Variants in NIM1K observed in about 807,000 individuals in gnomAD.
The protein encoded by NIM1K is NIM1 serine/threonine protein kinase.
Under a neutral mutation model 37.1 loss-of-function variants are expected in NIM1K, and 35 were observed. The ratio of observed to expected loss-of-function variants is 0.94; its 90% CI spans 0.72 to 1.25. NIM1K has a LOEUF of 1.25. NIM1K is among the 50% of genes most tolerant of loss of function. The pLI is 0.00. For synonymous variants in NIM1K, 234 were observed against 206.6 expected, an observed-to-expected ratio of 1.13 and a Z score of -1.14; for missense variants, 564 against 548.0, an observed-to-expected ratio of 1.03 and a Z score of -0.29.
chr5:43,210,945 C>T (rs1670791), intron 1 of NIM1K, among the ~76,000 whole-genome samples: 70,790 of 151,808 alleles, frequency 0.47, 17,018 homozygotes, highest in African/African-American at 0.52. Flanking sequence ...CCAAGGCAGG[C>T]GGATCACTTG....
At chr5:43,221,941 A>T (rs1322809435) in intron 1 of NIM1K, among the ~76,000 whole-genome samples, 1 of 152,238 alleles carries the variant, frequency 6.6e-6, no homozygotes, top group Non-Finnish European at 1.5e-5. Flanking sequence ...CACAGTGCTT[A>T]GCATGTAGTA....
At chr5:43,193,330 C>T (rs952269170) in intron 1 of NIM1K, 10 of 151,514 alleles carry the variant, frequency 6.6e-5, no homozygotes, top group African/African-American at 2.2e-4. Flanking sequence ...CTTTCCTCCT[C>T]CTCCTCTCCC....
At chr5:43,253,874 G>T (rs1450063736) in intron 2 of NIM1K, among the ~76,000 whole-genome samples, 1 of 152,018 alleles carries the variant, frequency 6.6e-6, no homozygotes, top group African/African-American at 2.4e-5. Context: ...TCTTGGCCAG[G>T]CTGGTCTCGA....
At chr5:43,257,354 A>C (rs960756539) in intron 2 of NIM1K, among the ~76,000 whole-genome samples, 4 of 146,386 alleles carry the variant, frequency 2.7e-5, no homozygotes, top group Non-Finnish European at 5.9e-5. Flanking sequence ...AAAGACAGTA[A>C]AGTGACTCTT....
intron 2 of NIM1K, among the ~76,000 whole-genome samples, chr5:43,273,759 G>A (rs1753294795): frequency 6.6e-6 from 1 of 152,154 alleles, no homozygotes; most frequent in South Asian, 2.1e-4. Context: ...GGCCAAGTAT[G>A]AGGCCTCTCT....
chr5:43,195,416 G>T (rs1751897429), intron 1 of NIM1K, among the ~76,000 whole-genome samples: 1 of 152,174 alleles, frequency 6.6e-6, no homozygotes, highest in Non-Finnish European at 1.5e-5. Context: ...CCAATACTTT[G>T]GGAGGCTGAA....
chr5:43,212,576 C>T (rs1752220596), intron 1 of NIM1K, among the ~76,000 whole-genome samples: 1 of 152,116 alleles, frequency 6.6e-6, no homozygotes, highest in African/African-American at 2.4e-5. Context: ...TCCCTCATTC[C>T]TTCCTCCCAT....
At chr5:43,215,802 C>T (rs932226992) in intron 1 of NIM1K, among the ~76,000 whole-genome samples, 2 of 152,220 alleles carry the variant, frequency 1.3e-5, no homozygotes, top group African/African-American at 4.8e-5. Context: ...TGAGCTTTGA[C>T]TTCATGATTC....
rs1488239219 is a variant in NIM1K, at chr5:43,245,322, T to TG, written c.-449dup. On this transcript the variant is annotated 5_prime_UTR_variant, in exon 2 of 4. The change abolishes the stop of an existing upstream ORF in the 5' untranslated region. Transcript: ENST00000326035. ...GAGATGAGATCCCGCAGCAGGGACG[T>TG]GGGGGCCTCCCAGGGGCATTTACGC... is the stretch of plus-strand genomic sequence containing the variant. 6.5e-6 allele frequency: 1 copy of TG among 153,582 alleles called. No individual in the cohort carries two copies. The highest frequency in any genetic ancestry group is 1.4e-5 in the Non-Finnish European group (1 of 69,010). The allele number at this position is 153,582 out of a possible 1,614,324, so 9.5% of individuals were successfully genotyped here.
At chr5:43,261,238 G>A (rs547183453) in intron 2 of NIM1K, among the ~76,000 whole-genome samples, 1 of 152,304 alleles carries the variant, frequency 6.6e-6, no homozygotes, top group African/African-American at 2.4e-5. Context: ...CAGTGTAAAA[G>A]TGTTCCTATT....
intron 2 of NIM1K, among the ~76,000 whole-genome samples, chr5:43,274,864 C>G (rs1279741984): frequency 6.6e-6 from 1 of 152,210 alleles, no homozygotes; most frequent in Non-Finnish European, 1.5e-5. Context: ...TAAAGTTTTT[C>G]AAAGCAGTTA....
At chr5:43,206,983 G>T (rs1561072804) in intron 1 of NIM1K, 17 of 758,384 alleles carry the variant, frequency 2.2e-5, no homozygotes, top group African/African-American at 1.7e-5. Context: ...TGAACAAAGC[G>T]GAATTGAGTC....
At chr5:43,272,647 A>G (rs1753274779) in intron 2 of NIM1K, among the ~76,000 whole-genome samples, 3 of 152,182 alleles carry the variant, frequency 2.0e-5, no homozygotes, top group Admixed American at 2.0e-4. Context: ...CTATCTTCCT[A>G]GGTTTTAATA....
At chr5:43,255,515 C>T (rs1752929751) in intron 2 of NIM1K, among the ~76,000 whole-genome samples, 1 of 152,092 alleles carries the variant, frequency 6.6e-6, no homozygotes, top group Non-Finnish European at 1.5e-5. Flanking sequence ...CTTTGGGAGG[C>T]CAAGGTGGGT....
chr5:43,214,129 T>C (rs1312180134), intron 1 of NIM1K, among the ~76,000 whole-genome samples: 1 of 152,168 alleles, frequency 6.6e-6, no homozygotes, highest in African/African-American at 2.4e-5. Flanking sequence ...TTTGGAATGC[T>C]GGACTCGACC....
At position 43,227,712 on chromosome 5, in the gene NIM1K, A is replaced by G. The variant is rs140813508; in HGVS notation, c.-694-17370A>G. 9.8e-4 allele frequency among the ~76,000 whole-genome samples: 150 copies of G among 152,302 alleles called. 1 individual carries two copies. Among genetic ancestry groups the G allele is most frequent in the African/African-American group, 3.5e-3 (147 of 41,574 alleles). ...TGAGTTTTTAAAAAATTTATTATTT[A>G]TTATGGGCTTTTATTATTTTTATGG... On this transcript the variant is annotated intron_variant, in intron 1 of 3. Coordinates refer to ENST00000326035, the MANE Select transcript of NIM1K (RefSeq NM_153361.4).
At chr5:43,271,099 T>C (rs1479764862) in intron 2 of NIM1K, among the ~76,000 whole-genome samples, 6 of 152,170 alleles carry the variant, frequency 3.9e-5, no homozygotes, top group Non-Finnish European at 7.3e-5. Flanking sequence ...TTCTTTTTTT[T>C]TTTCAAGTGG....
At chr5:43,197,775 G>C (rs1184908701) in intron 1 of NIM1K, among the ~76,000 whole-genome samples, 1 of 151,888 alleles carries the variant, frequency 6.6e-6, no homozygotes, top group Admixed American at 6.6e-5. Context: ...TTCTCTTTTG[G>C]GCCCCACCCT....
At chr5:43,271,260 T>A (rs2074384323) in intron 2 of NIM1K, among the ~76,000 whole-genome samples, 1 of 152,176 alleles carries the variant, frequency 6.6e-6, no homozygotes, top group Non-Finnish European at 1.5e-5. Context: ...TTGGCTTATA[T>A]TTTTCCTTCT....
Sources: allele counts gnomAD v4.1 joint callset (sites outside exome capture counted in the v4.1 genomes callset), GRCh38; gene constraint gnomAD v4.1.1; transcripts MANE v1.5; gene names NCBI Gene and HGNC (gene_info 2026-07-23, HGNC 2026-07-21).